CBFB: variants seen among roughly 807,000 people sequenced by gnomAD.
CBFB encodes core-binding factor subunit beta, also known as CBF-beta.
Under a neutral mutation model 30.4 loss-of-function variants are expected in CBFB, and 9 were observed. The ratio of observed to expected loss-of-function variants is 0.30; its 90% CI spans 0.18 to 0.52. The LOEUF is 0.52. Ranked by LOEUF, CBFB falls within the 20% of genes least tolerant of loss-of-function variation. The probability of loss-of-function intolerance (pLI) is 0.97; values close to 1 mark genes in which losing one functional copy is unlikely to be tolerated. For missense variants in CBFB, 170 were observed against 244.0 expected (o/e 0.70, Z 2.02); for synonymous variants, 94 against 84.0 (o/e 1.12, Z -0.65).
intron 3 of CBFB, among the ~76,000 whole-genome samples, chr16:67,061,302 A>G (rs972500304): frequency 2.0e-5 from 3 of 152,282 alleles, no homozygotes; most frequent in African/African-American, 7.2e-5. Context: ...TGTTTTTCTC[A>G]TGTATGGTTA....
In CBFB at chr16:67,075,197, A is replaced by ATATGTGTGTGTGTGTGTG. The variant is rs369475383; in HGVS notation, c.400-7015_400-7014insATGTGTGTGTGTGTGTGT. ...AGAGCGAGATTCTATCTCAAAAAAAATGTGTGTGTGTGTGTGTGTGTGTGT... is the reference window on the plus strand; with the variant it reads ...AGAGCGAGATTCTATCTCAAAAAAAATATGTGTGTGTGTGTGTGTGTGTGTGTGTGTGTGTGTGTGTGT... On this transcript the variant is annotated intron_variant, in intron 4 of 5. Coordinates refer to ENST00000412916, the MANE Select transcript of CBFB (RefSeq NM_022845.3). Among the ~76,000 whole-genome samples the ATATGTGTGTGTGTGTGTG allele has an allele frequency of 1.7e-4, 24 of 142,766 alleles. 1 individual carries two copies. The highest frequency in any genetic ancestry group is 3.1e-4 in the Non-Finnish European group (20 of 65,016). 93.7% of individuals were successfully genotyped at this position (142,766 alleles called of 152,430 possible). A position where few individuals can be genotyped will look rare whatever the true frequency, so the allele number is the denominator to read the frequency against.
rs912169686 is a variant in CBFB, at chr16:67,029,329, T to C, written c.-79T>C. The C allele has an allele frequency of 4.9e-5, 49 of 1,005,102 alleles. No individual in the cohort carries two copies. The highest frequency in any genetic ancestry group is 6.0e-5 in the Non-Finnish European group (46 of 768,878). 62.3% of individuals were successfully genotyped at this position (1,005,102 alleles called of 1,614,324 possible). The stretch of plus-strand genomic sequence containing the variant: ...CCGGGCGCCGCGGGTGGGCGGTCAG[T>C]CGGTCAGCGCGGAGCCAGCCAGCGG... On this transcript the variant is annotated 5_prime_UTR_variant, in exon 1 of 6. Transcript: ENST00000412916.
At chr16:67,053,248 C>CTTTTTTTTT (rs576629599) in intron 3 of CBFB, among the ~76,000 whole-genome samples, 1 of 122,758 alleles carries the variant, frequency 8.1e-6, no homozygotes. Context: ...CACTTTCTCT[C>CTTTTTTTTT]TTTTTTTTTT....
chr16:67,035,785 T>C (rs1966431935), intron 2 of CBFB, among the ~76,000 whole-genome samples: 1 of 152,234 alleles, frequency 6.6e-6, no homozygotes, highest in Admixed American at 6.5e-5. Flanking sequence ...TACATTTAGA[T>C]GATGAAAAAT....
intron 5 of CBFB, among the ~76,000 whole-genome samples, chr16:67,089,116 G>A (rs1961810939): frequency 6.6e-6 from 1 of 152,064 alleles, no homozygotes; most frequent in Non-Finnish European, 1.5e-5. Context: ...CCTTTCAGAG[G>A]TAATGGCAGA....
At chr16:67,065,570 GTC>G (rs1437160213) in intron 3 of CBFB, among the ~76,000 whole-genome samples, 1 of 151,806 alleles carries the variant, frequency 6.6e-6, no homozygotes, top group African/African-American at 2.4e-5. Context: ...TAGAGGTGAG[GTC>G]TCTCTGTGTT....
chr16:67,073,329 A>G (rs764357604), intron 4 of CBFB, among the ~76,000 whole-genome samples: 4 of 152,150 alleles, frequency 2.6e-5, no homozygotes, highest in African/African-American at 4.8e-5. Context: ...AGCTGTCTCT[A>G]TTTATGATTC....
chr16:67,091,334 AATG>A (rs1378053961), intron 5 of CBFB, among the ~76,000 whole-genome samples: 2 of 152,368 alleles, frequency 1.3e-5, no homozygotes, highest in East Asian at 3.8e-4. Context: ...AAAGTTCATA[AATG>A]GAAATGGGAA....
chr16:67,033,695 T>C (rs1966394115), intron 2 of CBFB, among the ~76,000 whole-genome samples: 1 of 149,298 alleles, frequency 6.7e-6, no homozygotes. Context: ...CACTGCAAGC[T>C]CCGCCTCCTG....
At chr16:67,069,446 G>C (rs1345128886) in intron 4 of CBFB, among the ~76,000 whole-genome samples, 1 of 151,988 alleles carries the variant, frequency 6.6e-6, no homozygotes, top group African/African-American at 2.4e-5. Context: ...GTAGATAAGA[G>C]CTGACATATG....
At chr16:67,086,723 A>C (rs1961742338) in intron 5 of CBFB, among the ~76,000 whole-genome samples, 1 of 152,192 alleles carries the variant, frequency 6.6e-6, no homozygotes, top group South Asian at 2.1e-4. Context: ...AATAAACCCC[A>C]AGTGTGTTGG....
chr16:67,089,754 A>G (rs960226585), intron 5 of CBFB, among the ~76,000 whole-genome samples: 4 of 152,124 alleles, frequency 2.6e-5, no homozygotes, highest in Non-Finnish European at 4.4e-5. Context: ...AATGAGCACA[A>G]GGTTTTGCAT....
chr16:67,054,911 C>CGTGG (rs1960669329), intron 3 of CBFB, among the ~76,000 whole-genome samples: 2 of 151,346 alleles, frequency 1.3e-5, no homozygotes, highest in African/African-American at 4.9e-5. Flanking sequence ...CCCACCACCA[C>CGTGG]GCCTGGCTAA....
intron 3 of CBFB, among the ~76,000 whole-genome samples, chr16:67,063,164 T>A (rs1340652483): frequency 6.6e-6 from 1 of 152,168 alleles, no homozygotes; most frequent in African/African-American, 2.4e-5. Flanking sequence ...CTTGTTTGAT[T>A]TGATGCACAT....
Position 67,075,219 on chromosome 16 carries a change from G to A in CBFB, c.400-6994G>A, listed in dbSNP as rs541563765. Reference sequence around the variant, plus strand: ...AAAATGTGTGTGTGTGTGTGTGTGTGTGTGTGTGTGTGTGTAAAGAACTCT... The same window carrying A: ...AAAATGTGTGTGTGTGTGTGTGTGTATGTGTGTGTGTGTGTAAAGAACTCT... On this transcript the variant is annotated intron_variant, in intron 4 of 5. Coordinates refer to ENST00000412916, the MANE Select transcript of CBFB (RefSeq NM_022845.3). 2.8e-3 allele frequency among the ~76,000 whole-genome samples: 387 copies of A among 135,934 alleles called. 3 individuals carry two copies. In the South Asian group the frequency reaches 0.038, roughly 13 times the overall value. The allele number at this position is 135,934 out of a possible 152,430, so 89.2% of individuals were successfully genotyped here.
intron 1 of CBFB, 68 bp from the exon 2 acceptor site, chr16:67,029,659 C>G (rs1456735300): frequency 2.1e-6 from 3 of 1,443,506 alleles, no homozygotes; most frequent in Admixed American, 3.7e-5. Flanking sequence ...CGGCGCTGCG[C>G]TGGGAGGGCG....
At chr16:67,090,051 G>T (rs549902025) in intron 5 of CBFB, among the ~76,000 whole-genome samples, 7 of 152,236 alleles carry the variant, frequency 4.6e-5, no homozygotes, top group Middle Eastern at 3.4e-3. Flanking sequence ...TTTTTGTTTG[G>T]TTGGTTGGTT....
chr16:67,059,608 A>G (rs144610267), intron 3 of CBFB, among the ~76,000 whole-genome samples: 2 of 152,302 alleles, frequency 1.3e-5, no homozygotes, highest in Admixed American at 1.3e-4. Context: ...ACAAAGGGGA[A>G]ATTTTAAATG....
rs1046050459 is a variant in CBFB, at chr16:67,060,342, T to G, written c.283-6340T>G. ...AAATTCACTCTTTTAGAGTGTACGA[T>G]TCATTGATTTTTAGTACATTCGGAG... On this transcript the variant is annotated intron_variant, in intron 3 of 5. Transcript: ENST00000412916. 2.0e-5 allele frequency among the ~76,000 whole-genome samples: 3 copies of G among 152,024 alleles called. No individual in the cohort carries two copies. The East Asian group carries it at 5.8e-4, about 29-fold the overall frequency.
Sources: gnomAD v4.1 joint callset for allele counts (sites outside exome capture counted in the v4.1 genomes callset) on GRCh38, gnomAD v4.1.1 for gene constraint, MANE v1.5 for transcripts, NCBI Gene and HGNC (gene_info 2026-07-23, HGNC 2026-07-21) for gene names.